ABCD2: variants seen among roughly 807,000 people sequenced by gnomAD.
The protein encoded by ABCD2 is ATP binding cassette subfamily D member 2.
Under a neutral mutation model 70.9 loss-of-function variants are expected in ABCD2, and 36 were observed. The ratio of observed to expected loss-of-function variants is 0.51; its 90% CI spans 0.39 to 0.67. ABCD2 has a LOEUF of 0.67. Ranked by LOEUF, ABCD2 falls within the 30% of genes least tolerant of loss-of-function variation. The pLI is 0.00. For missense variants in ABCD2, 729 were observed against 890.2 expected, an observed-to-expected ratio of 0.82 and a Z score of 2.30; for synonymous variants, 304 against 306.9, an observed-to-expected ratio of 0.99 and a Z score of 0.10.
chr12:39,555,025 C>A (rs1481224415), intron 9 of ABCD2, among the ~76,000 whole-genome samples: 1 of 152,040 alleles, frequency 6.6e-6, no homozygotes, highest in Admixed American at 6.6e-5. Context: ...CAGTTTCCTC[C>A]TGCTTTTTAA....
downstream of ABCD2, among the ~76,000 whole-genome samples, chr12:39,549,730 C>G (rs997571239): frequency 4.0e-5 from 6 of 151,664 alleles, no homozygotes; most frequent in Admixed American, 2.0e-4. Context: ...TGAAAAATGA[C>G]CTAAACTAAT....
chr12:39,555,614 G>A (rs1305545704), intron 9 of ABCD2, among the ~76,000 whole-genome samples: 3 of 152,102 alleles, frequency 2.0e-5, no homozygotes, highest in Non-Finnish European at 2.9e-5. Flanking sequence ...GGAAAAGAGA[G>A]GGATGTAAGC....
chr12:39,559,862 G>A (rs1007158978), intron 9 of ABCD2, among the ~76,000 whole-genome samples: 1 of 152,112 alleles, frequency 6.6e-6, no homozygotes, highest in Non-Finnish European at 1.5e-5. Flanking sequence ...TGTCTTATAA[G>A]GAGTACTAAA....
chr12:39,609,235 T>TAAG (rs1942013316), intron 2 of ABCD2, among the ~76,000 whole-genome samples: 1 of 152,152 alleles, frequency 6.6e-6, no homozygotes, highest in African/African-American at 2.4e-5. Context: ...GAATTATGGT[T>TAAG]AAGAGTTAGG....
chr12:39,562,996 A>G (rs530160279), intron 9 of ABCD2, among the ~76,000 whole-genome samples: 2 of 152,324 alleles, frequency 1.3e-5, no homozygotes, highest in Non-Finnish European at 2.9e-5. Context: ...TGGAGATGCA[A>G]GAAAGGTTGA....
chr12:39,549,614 A>T (rs1477666443), downstream of ABCD2, among the ~76,000 whole-genome samples: 1 of 151,970 alleles, frequency 6.6e-6, no homozygotes, highest in East Asian at 1.9e-4. Context: ...ACAAAGTGTA[A>T]CATAAGTTCC....
chr12:39,608,941 T>C (rs1013619471), intron 2 of ABCD2, among the ~76,000 whole-genome samples: 10 of 152,178 alleles, frequency 6.6e-5, no homozygotes, highest in African/African-American at 2.4e-4. Flanking sequence ...CTCTGGCATT[T>C]GTATATGTGA....
chr12:39,576,152 T>C (rs1390772260), intron 8 of ABCD2, among the ~76,000 whole-genome samples: 1 of 151,878 alleles, frequency 6.6e-6, no homozygotes, highest in Non-Finnish European at 1.5e-5. Flanking sequence ...CTGTAAAGTT[T>C]TTGTTGTTGT....
intron 7 of ABCD2, 117 bp from the exon 8 acceptor site, chr12:39,579,736 T>G (rs1941571033): frequency 1.3e-6 from 1 of 746,886 alleles, no homozygotes; most frequent in Non-Finnish European, 2.1e-6. Flanking sequence ...AACTTGGTAT[T>G]TTATAGGATA....
chr12:39,534,840 G>A, the ABCD2 span, among the ~76,000 whole-genome samples: 1 of 145,158 alleles, frequency 6.9e-6, no homozygotes, highest in Admixed American at 7.1e-5. Context: ...AGGAAAGAAA[G>A]AAAGAAATAA....
chr12:39,555,517 G>A (rs1941151042), intron 9 of ABCD2, among the ~76,000 whole-genome samples: 2 of 152,138 alleles, frequency 1.3e-5, no homozygotes, highest in African/African-American at 4.8e-5. Flanking sequence ...TCATTGGAGT[G>A]GGTAGGAAGT....
chr12:39,579,990 G>T (rs1941574436), intron 7 of ABCD2, among the ~76,000 whole-genome samples: 1 of 152,084 alleles, frequency 6.6e-6, no homozygotes, highest in South Asian at 2.1e-4. Flanking sequence ...TCTACAAAGG[G>T]TAAGAAAGGA....
At chr12:39,616,012 G>T (rs1034201339) in intron 2 of ABCD2, among the ~76,000 whole-genome samples, 4 of 151,910 alleles carry the variant, frequency 2.6e-5, no homozygotes, top group Non-Finnish European at 4.4e-5. Context: ...AGCCTTTCTG[G>T]TTCTCATTTT....
At chr12:39,617,216 T>A in intron 1 of ABCD2, 48 bp from the exon 2 acceptor site, 1 of 1,254,186 alleles carries the variant, frequency 8.0e-7, no homozygotes, top group Non-Finnish European at 1.1e-6. Flanking sequence ...GATATATACA[T>A]ATTATTCTTT....
Position 39,618,735 on chromosome 12 carries a change from T to TA in ABCD2, c.880dup (p.Tyr294LeufsTer20). ...ATTGGCTATAATTCTCGAGTGCACA[T>TA]ACCGCAAATAGCCTTTTCTATGTGC... On this transcript the variant is annotated frameshift_variant, in exon 1 of 10. Transcript: ENST00000308666. LOFTEE classifies it high-confidence loss of function. 1 of 1,614,232 alleles carries TA rather than the reference T, an allele frequency of 6.2e-7. No individual in the cohort carries two copies. The highest frequency in any genetic ancestry group is 8.5e-7 in the Non-Finnish European group (1 of 1,180,030).
chr12:39,566,839 C>T (rs1319649449), intron 9 of ABCD2, among the ~76,000 whole-genome samples: 1 of 152,166 alleles, frequency 6.6e-6, no homozygotes, highest in Non-Finnish European at 1.5e-5. Flanking sequence ...TGTCTTTGTT[C>T]TCATTGGTTT....
intron 9 of ABCD2, among the ~76,000 whole-genome samples, chr12:39,567,079 G>A (rs958138802): frequency 6.6e-6 from 1 of 152,164 alleles, no homozygotes; most frequent in African/African-American, 2.4e-5. Context: ...AATAGGTGTG[G>A]TGTGGTGCTT....
chr12:39,573,635 C>G, intron 9 of ABCD2, 81 bp downstream of exon 9: 1 of 1,508,490 alleles, frequency 6.6e-7, no homozygotes, highest in African/African-American at 1.4e-5. Flanking sequence ...CTACCCTCTA[C>G]TGTGAAAAAT....
chr12:39,595,581 A>G lies in ABCD2; in HGVS notation c.1646+4990T>C, dbSNP rs1941805065. Reference sequence around the variant, plus strand: ...CTTTTATGTTGCATTTAATTTTAAAATGTGATTCATAACTTTATTTATCAA... The same window carrying G: ...CTTTTATGTTGCATTTAATTTTAAAGTGTGATTCATAACTTTATTTATCAA... On this transcript the variant is annotated intron_variant, in intron 6 of 9. Transcript: ENST00000308666. Among the ~76,000 whole-genome samples, 3 of 152,236 alleles carry G rather than the reference A, an allele frequency of 2.0e-5. No homozygotes were observed. In the South Asian group the frequency reaches 6.2e-4, roughly 32 times the overall value.
Sources: allele counts gnomAD v4.1 joint callset (sites outside exome capture counted in the v4.1 genomes callset), GRCh38; gene constraint gnomAD v4.1.1; transcripts MANE v1.5; gene names NCBI Gene and HGNC (gene_info 2026-07-23, HGNC 2026-07-21).